The following STK39 variants were observed in gnomAD, a reference collection of about 807,000 sequenced individuals.
The protein encoded by STK39 is STE20/SPS1-related proline-alanine-rich protein kinase.
Under a neutral mutation model 77.8 loss-of-function variants are expected in STK39, and 20 were observed. The observed-to-expected ratio is 0.26, with a 90% CI of 0.18 to 0.37. STK39 has a LOEUF of 0.37. Ranked by LOEUF, STK39 falls within the 10% of genes least tolerant of loss-of-function variation. The probability of loss-of-function intolerance (pLI) is 1.00; values close to 1 mark genes in which losing one functional copy is unlikely to be tolerated. For synonymous variants in STK39, 246 were observed against 234.1 expected, an observed-to-expected ratio of 1.05 and a Z score of -0.47; for missense variants, 479 against 656.5, an observed-to-expected ratio of 0.73 and a Z score of 2.95.
At chr2:168,065,257 T>C in intron 13 of STK39, 62 bp downstream of exon 13, 1 of 1,549,032 alleles carries the variant, frequency 6.5e-7, no homozygotes, top group Non-Finnish European at 8.9e-7. Context: ...TCTAAAATGT[T>C]GGTTTTTTAA....
chr2:168,161,152 G>A lies in STK39; in HGVS notation c.628+635C>T, dbSNP rs375766052. The stretch of plus-strand genomic sequence containing the variant: ...AGGATTGCTGAGACAGACTTTCAAC[G>A]ACATGGGTAAAGCAAGAGTTAATAT... On this transcript the variant is annotated intron_variant, in intron 5 of 17. Coordinates refer to ENST00000355999, the MANE Select transcript of STK39 (RefSeq NM_013233.3). Among the ~76,000 whole-genome samples the A allele has an allele frequency of 5.3e-5, 8 of 152,250 alleles. No homozygotes were observed. In the East Asian group the frequency reaches 9.6e-4, roughly 18 times the overall value.
intron 1 of STK39, among the ~76,000 whole-genome samples, chr2:168,209,717 G>A (rs1188870628): frequency 1.3e-5 from 2 of 152,080 alleles, no homozygotes; most frequent in African/African-American, 4.8e-5. Flanking sequence ...AATGTAATTA[G>A]GCTGGGTGCG....
chr2:168,019,192 T>C (rs1451288770), intron 14 of STK39, among the ~76,000 whole-genome samples: 1 of 152,174 alleles, frequency 6.6e-6, no homozygotes, highest in Non-Finnish European at 1.5e-5. Flanking sequence ...TTGTGGATCC[T>C]CACCCTAAAA....
chr2:167,959,195 T>A (rs1275524050), intron 17 of STK39, among the ~76,000 whole-genome samples: 1 of 151,420 alleles, frequency 6.6e-6, no homozygotes, highest in African/African-American at 2.4e-5. Flanking sequence ...CTCGGCTCAC[T>A]GCAACCTCCG....
intron 15 of STK39, among the ~76,000 whole-genome samples, chr2:168,013,351 C>T (rs543160434): frequency 6.6e-6 from 1 of 152,248 alleles, no homozygotes; most frequent in East Asian, 1.9e-4. Context: ...AAAGAGGCTG[C>T]GGCAAGTGAA....
intron 16 of STK39, among the ~76,000 whole-genome samples, chr2:168,001,339 C>T (rs1402563652): frequency 6.6e-6 from 1 of 150,696 alleles, no homozygotes; most frequent in East Asian, 1.9e-4. Context: ...ATGGGGACAG[C>T]ATAAACCTGA....
At chr2:168,242,457 G>A (rs1278810570) in intron 1 of STK39, among the ~76,000 whole-genome samples, 4 of 149,450 alleles carry the variant, frequency 2.7e-5, no homozygotes, top group Non-Finnish European at 5.9e-5. Context: ...GCTGAGGCAG[G>A]AGAACTGCTT....
intron 16 of STK39, among the ~76,000 whole-genome samples, chr2:167,966,685 C>T (rs1409507079): frequency 1.3e-5 from 2 of 152,160 alleles, no homozygotes; most frequent in African/African-American, 4.8e-5. Context: ...CAAGATGGAG[C>T]TGCCTGCATC....
chr2:168,101,610 C>T (rs990511900), intron 10 of STK39, among the ~76,000 whole-genome samples: 7 of 151,836 alleles, frequency 4.6e-5, no homozygotes, highest in Non-Finnish European at 8.8e-5. Flanking sequence ...TGGTGGCGTG[C>T]ACCTATAGTC....
chr2:168,239,696 A>C (rs1690709593), intron 1 of STK39, among the ~76,000 whole-genome samples: 1 of 152,264 alleles, frequency 6.6e-6, no homozygotes, highest in African/African-American at 2.4e-5. Flanking sequence ...TCATCCAGAA[A>C]ACATTTATTA....
At position 168,002,310 on chromosome 2, in the gene STK39, T is replaced by C. The variant is rs148069472; in HGVS notation, c.1498+10324A>G. Reference sequence around the variant, plus strand: ...TGTGACACAGAAACTGAGAACGTCTTTGGGGAAATTACAGATGTTATTTTA... The same window carrying C: ...TGTGACACAGAAACTGAGAACGTCTCTGGGGAAATTACAGATGTTATTTTA... On this transcript the variant is annotated intron_variant, in intron 16 of 17. Coordinates refer to ENST00000355999, the MANE Select transcript of STK39 (RefSeq NM_013233.3). 3.9e-3 allele frequency among the ~76,000 whole-genome samples: 601 copies of C among 152,350 alleles called. 2 individuals are homozygous for C. The highest frequency in any genetic ancestry group is 4.4e-3 in the Non-Finnish European group (298 of 68,034).
intron 10 of STK39, among the ~76,000 whole-genome samples, chr2:168,099,443 T>C (rs570205461): frequency 4.4e-4 from 67 of 152,234 alleles, no homozygotes; most frequent in Admixed American, 8.5e-4. Flanking sequence ...AAGAGTCCTA[T>C]GGCTTCATTC....
rs1689536370 is a variant in STK39 at position 168,198,695 on chromosome 2, T to C, written c.209-16605A>G. On this transcript the variant is annotated intron_variant, in intron 1 of 17. Coordinates refer to ENST00000355999, the MANE Select transcript of STK39 (RefSeq NM_013233.3). ...GCAAATCAAATACGGACTTAGCACATCGCACTCACTGGCACTGTAACTTCA... is the reference window on the plus strand; with the variant it reads ...GCAAATCAAATACGGACTTAGCACACCGCACTCACTGGCACTGTAACTTCA... Among the ~76,000 whole-genome samples the C allele has an allele frequency of 2.0e-5, 3 of 152,232 alleles. No individual in the cohort carries two copies. In the South Asian group the frequency reaches 6.2e-4, roughly 32 times the overall value.
intron 2 of STK39, among the ~76,000 whole-genome samples, chr2:168,171,371 T>C (rs529775220): frequency 6.6e-6 from 1 of 151,298 alleles, no homozygotes; most frequent in Admixed American, 6.6e-5. Flanking sequence ...TCATGCTAGG[T>C]GTGGTGAGGA....
chr2:168,002,656 G>C (rs1684030543), intron 16 of STK39, among the ~76,000 whole-genome samples: 1 of 152,160 alleles, frequency 6.6e-6, no homozygotes. Flanking sequence ...GCACTCTCTT[G>C]TGCTTTTATC....
At chr2:168,015,036 C>T (rs16854551) in intron 15 of STK39, among the ~76,000 whole-genome samples, 33,010 of 152,106 alleles carry the variant, frequency 0.22, 4,463 homozygotes, top group African/African-American at 0.37. Context: ...TATCTGCGTG[C>T]GTGCCATTAG....
Position 168,063,574 on chromosome 2 carries a change from T to C in STK39, c.1306-4A>G. On this transcript the variant is annotated splice_region_variant and splice_polypyrimidine_tract_variant and intron_variant, in intron 13 of 17. Coordinates refer to ENST00000355999, the MANE Select transcript of STK39 (RefSeq NM_013233.3). Reference sequence around the variant, plus strand: ...CTTCATTAGCATTGGGTGGGCCCTTTAAAAAGAAAACAGCAAACAGTGTTA... The same window carrying C: ...CTTCATTAGCATTGGGTGGGCCCTTCAAAAAGAAAACAGCAAACAGTGTTA... 6.2e-7 allele frequency: 1 copy of C among 1,609,150 alleles called. No individual in the cohort carries two copies. The highest frequency in any genetic ancestry group is 2.2e-5 in the East Asian group (1 of 44,806).
intron 10 of STK39, among the ~76,000 whole-genome samples, chr2:168,108,199 G>T (rs1253238820): frequency 3.9e-5 from 6 of 152,150 alleles, no homozygotes; most frequent in Non-Finnish European, 7.3e-5. Flanking sequence ...TGACTCGACG[G>T]TATACCAACT....
In STK39 at chr2:168,115,384, T is replaced by C. The variant is rs182725535; in HGVS notation, c.1089+14157A>G. 8.1e-4 allele frequency among the ~76,000 whole-genome samples: 123 copies of C among 152,332 alleles called. 1 individual carries two copies. Among genetic ancestry groups the C allele is most frequent in the Non-Finnish European group, 1.4e-3 (97 of 68,042 alleles). ...ATTTGAAACATAACACCTCCCACTT[T>C]AAACATATGTAAGGTGATATGTGTC... On this transcript the variant is annotated intron_variant, in intron 10 of 17. Coordinates refer to ENST00000355999, the MANE Select transcript of STK39 (RefSeq NM_013233.3).
Sources: allele counts gnomAD v4.1 joint callset (sites outside exome capture counted in the v4.1 genomes callset), GRCh38; gene constraint gnomAD v4.1.1; transcripts MANE v1.5; gene names NCBI Gene and HGNC (gene_info 2026-07-23, HGNC 2026-07-21).